Variants in COL19A1 observed in about 807,000 individuals in gnomAD.
The protein encoded by COL19A1 is collagen alpha-1(XIX) chain.
Under a neutral mutation model 190.2 loss-of-function variants are expected in COL19A1, and 159 were observed. The observed-to-expected ratio is 0.84, with a 90% CI of 0.73 to 0.95. The LOEUF (loss-of-function observed/expected upper bound fraction) is 0.95. Among genes scored for constraint, COL19A1 ranks in the 40% least tolerant of loss-of-function variants. The pLI is 0.00. For synonymous variants in COL19A1, 509 were observed against 458.9 expected (o/e 1.11, Z -1.39); for missense variants, 1,418 against 1,431.9 (o/e 0.99, Z 0.16).
intron 4 of COL19A1, among the ~76,000 whole-genome samples, chr6:69,907,450 A>G (rs1770638683): frequency 2.0e-5 from 3 of 152,204 alleles, no homozygotes; most frequent in East Asian, 1.9e-4. Context: ...ATTATAAATA[A>G]CACTACAACA....
chr6:69,882,141 C>A (rs866294536), intron 2 of COL19A1, among the ~76,000 whole-genome samples: 2 of 152,144 alleles, frequency 1.3e-5, no homozygotes, highest in African/African-American at 2.4e-5. Flanking sequence ...TAGATTGGAC[C>A]TTTTAATTGC....
At chr6:70,141,997 A>G in intron 21 of COL19A1, 26 bp from the exon 22 acceptor site, 1 of 1,612,350 alleles carries the variant, frequency 6.2e-7, no homozygotes, top group South Asian at 1.1e-5. Context: ...AGAAACATTG[A>G]TCTTTCCTTC....
chr6:70,131,295 G>A (rs1785506305), intron 18 of COL19A1: 1 of 207,994 alleles, frequency 4.8e-6, no homozygotes, highest in African/African-American at 2.4e-5. Flanking sequence ...TTGAGGGCAG[G>A]GGATTTTGAC....
rs559440792 is a variant in COL19A1 at position 70,130,944 on chromosome 6, G to T, written c.1383+721G>T. ...ATAAGCTGCCCTGGCAGCCATTTTT[G>T]GTGGGGTTTTATACTGTCCAGTAGT... On this transcript the variant is annotated intron_variant, in intron 18 of 50. Coordinates refer to ENST00000620364, the MANE Select transcript of COL19A1 (RefSeq NM_001858.6). 8 of 220,784 alleles carry T rather than the reference G, an allele frequency of 3.6e-5. No individual in the cohort carries two copies. The South Asian group carries it at 4.4e-4, about 12-fold the overall frequency. 13.7% of individuals were successfully genotyped at this position (220,784 alleles called of 1,614,324 possible).
chr6:70,093,462 G>A (rs1313068641), intron 15 of COL19A1, among the ~76,000 whole-genome samples: 1 of 152,036 alleles, frequency 6.6e-6, no homozygotes, highest in Non-Finnish European at 1.5e-5. Context: ...GAGAGTTGGT[G>A]GTGTGGCAAG....
intron 11 of COL19A1, among the ~76,000 whole-genome samples, chr6:69,981,623 C>A (rs1776035044): frequency 6.6e-6 from 1 of 151,698 alleles, no homozygotes; most frequent in African/African-American, 2.4e-5. Flanking sequence ...TATTGTCTTA[C>A]TTCAGAACTT....
intron 18 of COL19A1, among the ~76,000 whole-genome samples, chr6:70,131,610 G>A (rs549134866): frequency 3.9e-5 from 6 of 152,172 alleles, no homozygotes; most frequent in African/African-American, 1.4e-4. Context: ...GAAACCATAC[G>A]CCACCATAAC....
chr6:70,163,134 A>G (rs1274914594), intron 35 of COL19A1, among the ~76,000 whole-genome samples: 1 of 152,180 alleles, frequency 6.6e-6, no homozygotes, highest in Non-Finnish European at 1.5e-5. Flanking sequence ...CGAAGGTGAA[A>G]AAGCGACCAC....
intron 9 of COL19A1, 115 bp from the exon 10 acceptor site, chr6:69,959,881 T>G: frequency 1.3e-6 from 1 of 774,388 alleles, no homozygotes; most frequent in Non-Finnish European, 2.0e-6. Context: ...TGATAGATAT[T>G]CAGTATTAGG....
intron 11 of COL19A1, among the ~76,000 whole-genome samples, chr6:70,002,310 A>G (rs989606546): frequency 2.6e-5 from 4 of 152,114 alleles, no homozygotes; most frequent in African/African-American, 9.7e-5. Context: ...CATCAGGGAT[A>G]TTGGCCTTAA....
intron 7 of COL19A1, among the ~76,000 whole-genome samples, chr6:69,934,093 A>G (rs939179153): frequency 6.6e-6 from 1 of 152,036 alleles, no homozygotes; most frequent in African/African-American, 2.4e-5. Flanking sequence ...TGAAATAAGA[A>G]TGTGACCAAA....
intron 4 of COL19A1, among the ~76,000 whole-genome samples, chr6:69,921,296 A>G (rs983901048): frequency 7.6e-6 from 1 of 132,004 alleles, no homozygotes; most frequent in African/African-American, 2.8e-5. Context: ...TATATCATAT[A>G]TATCATATAT....
At chr6:69,969,828 C>G (rs1775320978) in intron 11 of COL19A1, among the ~76,000 whole-genome samples, 1 of 152,136 alleles carries the variant, frequency 6.6e-6, no homozygotes, top group South Asian at 2.1e-4. Flanking sequence ...GGTGGCTGGG[C>G]TAGTTTGGCC....
intron 16 of COL19A1, among the ~76,000 whole-genome samples, chr6:70,106,215 C>T (rs116094909): frequency 1.4e-3 from 216 of 152,126 alleles, no homozygotes; most frequent in African/African-American, 4.9e-3. Context: ...AGTCCTTCTA[C>T]TTGATTATTT....
At chr6:70,137,649 C>T (rs772747631) in intron 18 of COL19A1, 36 bp from the exon 19 acceptor site, 4 of 1,600,538 alleles carry the variant, frequency 2.5e-6, no homozygotes, top group South Asian at 1.1e-5. Flanking sequence ...CTTCTCTAAC[C>T]ATCTGCAAAA....
At position 69,962,645 on chromosome 6, in the gene COL19A1, C is replaced by A. The variant is rs955458953; in HGVS notation, c.982-181C>A. Among the ~76,000 whole-genome samples, 77 of 151,958 alleles carry A rather than the reference C, an allele frequency of 5.1e-4. 2 individuals carry two copies. The highest frequency in any genetic ancestry group is 5.0e-3 in the Admixed American group (77 of 15,248). On this transcript the variant is annotated intron_variant, in intron 10 of 50. Coordinates refer to ENST00000620364, the MANE Select transcript of COL19A1 (RefSeq NM_001858.6). ...GTAACTTATACCCTAGAAAATTGTT[C>A]CTTTAGTATTTAGAAATATTTAAAT...
At chr6:69,981,150 T>C (rs1035632350) in intron 11 of COL19A1, among the ~76,000 whole-genome samples, 3 of 152,208 alleles carry the variant, frequency 2.0e-5, no homozygotes, top group Admixed American at 2.0e-4. Context: ...ACAAATGTTA[T>C]AACATAGTAT....
intron 15 of COL19A1, among the ~76,000 whole-genome samples, chr6:70,081,108 A>C (rs972491046): frequency 1.1e-4 from 16 of 152,208 alleles, no homozygotes; most frequent in Admixed American, 9.2e-4. Context: ...GAGTGCGTCT[A>C]ATATACTTTT....
intron 11 of COL19A1, among the ~76,000 whole-genome samples, chr6:70,020,092 C>G (rs908056161): frequency 6.6e-6 from 1 of 152,014 alleles, no homozygotes; most frequent in African/African-American, 2.4e-5. Flanking sequence ...TTATTTAATA[C>G]TAGTTAAAAT....
Sources: gnomAD v4.1 joint callset for allele counts (sites outside exome capture counted in the v4.1 genomes callset) on GRCh38, gnomAD v4.1.1 for gene constraint, MANE v1.5 for transcripts, NCBI Gene and HGNC (gene_info 2026-07-23, HGNC 2026-07-21) for gene names.